The following PPFIBP2 variants were observed in gnomAD, a reference collection of about 807,000 sequenced individuals.
The protein encoded by PPFIBP2 is PPFIB scaffold protein 2.
Under a neutral mutation model 118.3 loss-of-function variants are expected in PPFIBP2, and 118 were observed. That is an observed-to-expected ratio of 1.00 (90% CI 0.86 to 1.16). The LOEUF (loss-of-function observed/expected upper bound fraction) is 1.16. Among genes scored for constraint, PPFIBP2 ranks in the 50% most tolerant of loss-of-function variants. The pLI, the probability that PPFIBP2 is intolerant of heterozygous loss-of-function variation, is 0.00. For synonymous variants in PPFIBP2, 414 were observed against 397.4 expected (o/e 1.04, Z -0.50); for missense variants, 1,195 against 1,073.1 (o/e 1.11, Z -1.59).
chr11:7,618,151 G>T (rs1465255601), intron 6 of PPFIBP2, among the ~76,000 whole-genome samples: 1 of 152,152 alleles, frequency 6.6e-6, no homozygotes, highest in Non-Finnish European at 1.5e-5. Context: ...TAGGTGTTGC[G>T]GGAAGGGATT....
intron 8 of PPFIBP2, 70 bp downstream of exon 8, chr11:7,625,961 G>A (rs1849952748): frequency 7.7e-7 from 1 of 1,293,474 alleles, no homozygotes; most frequent in South Asian, 1.3e-5. Context: ...GTGAGCATGT[G>A]TTTCTATAAA....
chr11:7,523,167 C>T (rs1269490614), intron 1 of PPFIBP2, among the ~76,000 whole-genome samples: 1 of 152,104 alleles, frequency 6.6e-6, no homozygotes, highest in Non-Finnish European at 1.5e-5. Context: ...GCACTGCTGT[C>T]GGGAGACTCA....
At chr11:7,615,764 A>G (rs779632891) in intron 6 of PPFIBP2, among the ~76,000 whole-genome samples, 12 of 152,244 alleles carry the variant, frequency 7.9e-5, no homozygotes, top group Non-Finnish European at 1.5e-4. Context: ...CTTGAGAGAA[A>G]GTGGTCATTG....
intron 5 of PPFIBP2, among the ~76,000 whole-genome samples, chr11:7,600,855 A>G (rs1274104403): frequency 3.3e-5 from 5 of 152,214 alleles, no homozygotes; most frequent in Non-Finnish European, 7.3e-5. Flanking sequence ...AGAGTTAAGG[A>G]TCTCTGCTTT....
At chr11:7,597,817 A>G (rs1860644935) in intron 5 of PPFIBP2, 144 bp downstream of exon 5, 6 of 666,452 alleles carry the variant, frequency 9.0e-6, no homozygotes, top group South Asian at 5.5e-5. Flanking sequence ...TACGGTGTTT[A>G]TACAGCAGGT....
chr11:7,654,083 A>G (rs1439375850), downstream of PPFIBP2, among the ~76,000 whole-genome samples: 1 of 152,224 alleles, frequency 6.6e-6, no homozygotes, highest in African/African-American at 2.4e-5. Context: ...GAGCCCCCCC[A>G]GTGAAGGGGA....
At chr11:7,656,987 G>C (rs1039667562), downstream of PPFIBP2, 18 of 377,822 alleles carry the variant, frequency 4.8e-5, no homozygotes, top group African/African-American at 3.8e-4. Flanking sequence ...GGGTCCATGT[G>C]TGTCTTCAAC....
chr11:7,646,227 C>A (rs1283691227), intron 17 of PPFIBP2, among the ~76,000 whole-genome samples: 1 of 152,196 alleles, frequency 6.6e-6, no homozygotes, highest in African/African-American at 2.4e-5. Flanking sequence ...GCCGCAAGGA[C>A]ATAGACAACA....
At chr11:7,651,588 C>T (rs1854014586) in intron 22 of PPFIBP2, 68 bp from the exon 23 acceptor site, 31 of 1,462,672 alleles carry the variant, frequency 2.1e-5, no homozygotes, top group Non-Finnish European at 2.9e-5. Flanking sequence ...AGGCCAGTCT[C>T]TCAGCATCCT....
chr11:7,569,277 G>A (rs942667330), intron 3 of PPFIBP2, among the ~76,000 whole-genome samples: 7 of 152,250 alleles, frequency 4.6e-5, no homozygotes, highest in Non-Finnish European at 7.3e-5. Flanking sequence ...GGCAGAAGTA[G>A]GAGTGCTGTT....
rs1473262109 is a variant in PPFIBP2 at position 7,602,017 on chromosome 11, C to T, written c.486+4344C>T. Among the ~76,000 whole-genome samples the T allele has an allele frequency of 4.1e-5, 6 of 147,148 alleles. No individual in the cohort carries two copies. In the East Asian group the frequency reaches 5.9e-4, roughly 15 times the overall value. ...CTGAGTCAGGAGAATCGCTGGAACC[C>T]GAGAGACGGAGGTTGCAGTGAGCCA... On this transcript the variant is annotated intron_variant, in intron 5 of 23. Transcript: ENST00000299492.
rs1852169134 is a variant in PPFIBP2, at chr11:7,641,382, C to T, written c.1376-97C>T. 5.8e-6 allele frequency: 8 copies of T among 1,376,340 alleles called. No homozygotes were observed. The South Asian group carries it at 6.7e-5, about 12-fold the overall frequency. 85.3% of individuals were successfully genotyped at this position (1,376,340 alleles called of 1,614,324 possible). The stretch of plus-strand genomic sequence containing the variant: ...CTGAAGGCAGAACTGGGCAGATTCT[C>T]TGGACTCCCACTGAAGGGGAGGGCC... On this transcript the variant is annotated intron_variant, in intron 15 of 23. Transcript: ENST00000299492.
intron 2 of PPFIBP2, among the ~76,000 whole-genome samples, chr11:7,563,803 G>A (rs1395724513): frequency 1.3e-5 from 2 of 152,140 alleles, no homozygotes; most frequent in Non-Finnish European, 2.9e-5. Context: ...GTTTTGATTT[G>A]AAAAATGTAT....
At chr11:7,550,598 A>G (rs1209440103) in intron 2 of PPFIBP2, among the ~76,000 whole-genome samples, 1 of 152,190 alleles carries the variant, frequency 6.6e-6, no homozygotes, top group Admixed American at 6.5e-5. Flanking sequence ...AGAAGCCATG[A>G]CTAATGTCCT....
In PPFIBP2 at chr11:7,616,226, AC is replaced by A. The variant is rs1848629840; in HGVS notation, c.619-4708del. Among the ~76,000 whole-genome samples, 1 of 152,238 alleles carries A rather than the reference AC, an allele frequency of 6.6e-6. No homozygotes were observed. Among genetic ancestry groups the A allele is most frequent in the African/African-American group, 2.4e-5 (1 of 41,466 alleles). On this transcript the variant is annotated intron_variant, in intron 6 of 23. Transcript: ENST00000299492. This position sits in a 1 kb window ranked among gnomAD's most constrained non-coding sequence, Gnocchi z 5.2. ...GATTCCATGGATGCCTCTGACAGAT[AC>A]AAAAAATTTAGGACAATAGTCCCCC...
chr11:7,558,591 T>TA (rs570736855), intron 2 of PPFIBP2, among the ~76,000 whole-genome samples: 38 of 151,838 alleles, frequency 2.5e-4, no homozygotes, highest in East Asian at 1.9e-3. Flanking sequence ...CCGTCTCTAC[T>TA]AAAAAAATAC....
At chr11:7,650,638 T>C (rs1353021530) in intron 21 of PPFIBP2, 2 of 410,002 alleles carry the variant, frequency 4.9e-6, no homozygotes, top group Non-Finnish European at 8.7e-6. Flanking sequence ...GTGTGGAAGA[T>C]CTTCAAAGAT....
chr11:7,524,759 G>T (rs1850071345), intron 1 of PPFIBP2, among the ~76,000 whole-genome samples: 1 of 151,758 alleles, frequency 6.6e-6, no homozygotes, highest in Non-Finnish European at 1.5e-5. Context: ...AAGGGGTGGG[G>T]TGGGAGAGTG....
Position 7,653,526 on chromosome 11 carries a change from G to C in PPFIBP2, c.*308G>C. 1 of 1,345,942 alleles carries C rather than the reference G, an allele frequency of 7.4e-7. No individual in the cohort carries two copies. Among genetic ancestry groups the C allele is most frequent in the Non-Finnish European group, 9.7e-7 (1 of 1,026,218 alleles). 83.4% of individuals were successfully genotyped at this position (1,345,942 alleles called of 1,614,324 possible). On this transcript the variant is annotated 3_prime_UTR_variant, in exon 24 of 24. Transcript: ENST00000299492. ...GCACCAGTGGAAACACATGAACTTCGATGCAGGTCCAGAGACCATGGACAC... is the reference window on the plus strand; with the variant it reads ...GCACCAGTGGAAACACATGAACTTCCATGCAGGTCCAGAGACCATGGACAC...
Sources: allele counts gnomAD v4.1 joint callset (sites outside exome capture counted in the v4.1 genomes callset), GRCh38; gene constraint gnomAD v4.1.1; non-coding constraint Gnocchi (gnomAD v3.1); transcripts MANE v1.5; gene names NCBI Gene and HGNC (gene_info 2026-07-23, HGNC 2026-07-21).